Variants in CDH7 observed in about 807,000 individuals in gnomAD.
CDH7 encodes cadherin 7, also known as cadherin-7.
In CDH7, 25 loss-of-function variants were observed where a neutral mutation model predicts 71.8. That is an observed-to-expected ratio of 0.35 (90% CI 0.25 to 0.49). The LOEUF (loss-of-function observed/expected upper bound fraction) is 0.49. Ranked by LOEUF, CDH7 falls within the 20% of genes least tolerant of loss-of-function variation. The pLI is 0.99. For synonymous variants in CDH7, 381 were observed against 363.8 expected (o/e 1.05, Z -0.54); for missense variants, 862 against 974.6 (o/e 0.88, Z 1.54).
At chr18:65,878,939 CA>C (rs559870209) in intron 11 of CDH7, among the ~76,000 whole-genome samples, 6 of 151,952 alleles carry the variant, frequency 3.9e-5, no homozygotes, top group Non-Finnish European at 8.8e-5. Context: ...AAAAGTGCCA[CA>C]AAAAAACAAT....
At chr18:65,857,221 G>A (rs1019745934) in intron 7 of CDH7, among the ~76,000 whole-genome samples, 4 of 151,090 alleles carry the variant, frequency 2.6e-5, no homozygotes, top group Non-Finnish European at 5.9e-5. Context: ...GGTGGCTCAC[G>A]CCTATAATCC....
At chr18:65,844,174 G>GATTTATATAAAT (rs71167157) in intron 7 of CDH7, 109 bp downstream of exon 7, 1 of 220,090 alleles carries the variant, frequency 4.5e-6, no homozygotes, top group Non-Finnish European at 8.3e-6. Context: ...ATAAAAACCA[G>GATTTATATAAAT]ATATATATAT....
intron 5 of CDH7, among the ~76,000 whole-genome samples, chr18:65,822,986 C>A (rs1911991446): frequency 6.6e-6 from 1 of 151,682 alleles, no homozygotes; most frequent in African/African-American, 2.4e-5. Context: ...TTAGAACACT[C>A]AAGAAAATAA....
intron 4 of CDH7, among the ~76,000 whole-genome samples, chr18:65,817,964 T>C (rs1911778827): frequency 6.6e-6 from 1 of 152,212 alleles, no homozygotes; most frequent in South Asian, 2.1e-4. Context: ...AACTTCTTTG[T>C]TCAGGATCTA....
intron 1 of CDH7, among the ~76,000 whole-genome samples, chr18:65,756,831 G>A (rs554046894): frequency 6.6e-6 from 1 of 152,312 alleles, no homozygotes; most frequent in Non-Finnish European, 1.5e-5. Flanking sequence ...AAAGCATACA[G>A]CACTGTGTAC....
intron 11 of CDH7, among the ~76,000 whole-genome samples, chr18:65,870,484 T>C (rs773224658): frequency 6.6e-6 from 1 of 152,186 alleles, no homozygotes; most frequent in Non-Finnish European, 1.5e-5. Flanking sequence ...GCTTGAAACA[T>C]TTCAGATGCA....
intron 2 of CDH7, among the ~76,000 whole-genome samples, chr18:65,799,405 C>A (rs140956043): frequency 6.6e-6 from 1 of 152,002 alleles, no homozygotes; most frequent in Non-Finnish European, 1.5e-5. Context: ...TGGCCGGGTG[C>A]GGTGGCTCAA....
At chr18:65,871,391 A>T (rs1427579609) in intron 11 of CDH7, among the ~76,000 whole-genome samples, 1 of 152,138 alleles carries the variant, frequency 6.6e-6, no homozygotes, top group Non-Finnish European at 1.5e-5. Context: ...AGGCAAGGAG[A>T]AGTAAAGGAT....
At chr18:65,854,993 T>C (rs1024474422) in intron 7 of CDH7, among the ~76,000 whole-genome samples, 4 of 151,706 alleles carry the variant, frequency 2.6e-5, no homozygotes, top group Admixed American at 2.0e-4. Flanking sequence ...CTGTTCTAAG[T>C]AAGCATATTC....
chr18:65,886,197 CTG>C lies in CDH7; in HGVS notation c.*5307_*5308del, dbSNP rs1376711153. 2 of 152,036 alleles carry C rather than the reference CTG, an allele frequency of 1.3e-5. No homozygotes were observed. The highest frequency in any genetic ancestry group is 4.8e-5 in the African/African-American group (2 of 41,392). 9.4% of individuals were successfully genotyped at this position (152,036 alleles called of 1,614,324 possible). A position where few individuals can be genotyped will look rare whatever the true frequency, so the allele number is the denominator to read the frequency against. On this transcript the variant is annotated 3_prime_UTR_variant, in exon 12 of 12. Coordinates refer to ENST00000397968, the MANE Select transcript of CDH7 (RefSeq NM_004361.5). The stretch of plus-strand genomic sequence containing the variant: ...GGCTTGTGAATGATTAAGTGAAAGA[CTG>C]TGTAAACAGTAAAACACTATAAAAA...
At chr18:65,813,085 C>A (rs1207327656) in intron 3 of CDH7, among the ~76,000 whole-genome samples, 2 of 152,218 alleles carry the variant, frequency 1.3e-5, no homozygotes, top group African/African-American at 4.8e-5. Context: ...GGAATCCCAG[C>A]ACTTTGGGAG....
intron 7 of CDH7, 84 bp downstream of exon 7, chr18:65,844,149 C>G: frequency 1.1e-6 from 1 of 889,822 alleles, no homozygotes; most frequent in Non-Finnish European, 1.6e-6. Context: ...TCTGATGTTC[C>G]TTTGTTCATA....
chr18:65,886,283 A>T lies in CDH7; in HGVS notation c.*5389A>T. On this transcript the variant is annotated 3_prime_UTR_variant, in exon 12 of 12. Transcript: ENST00000397968. The stretch of plus-strand genomic sequence containing the variant: ...ATATAAAAAGGTTGATAATTGTTAT[A>T]TGGTAAACAGAGAATTTCTGTTTGG... 6.6e-6 allele frequency: 1 copy of T among 152,340 alleles called. No individual in the cohort carries two copies. Among genetic ancestry groups the T allele is most frequent in the South Asian group, 2.1e-4 (1 of 4,828 alleles). The allele number at this position is 152,340 out of a possible 1,614,324, so 9.4% of individuals were successfully genotyped here. A position where few individuals can be genotyped will look rare whatever the true frequency, so the allele number is the denominator to read the frequency against.
chr18:65,795,237 C>T (rs756355881), intron 2 of CDH7, among the ~76,000 whole-genome samples: 12 of 152,024 alleles, frequency 7.9e-5, no homozygotes, highest in African/African-American at 2.4e-4. Context: ...ATGTCCATTC[C>T]GTTGTAGGAT....
chr18:65,855,680 T>C (rs1308726670), intron 7 of CDH7, among the ~76,000 whole-genome samples: 1 of 152,080 alleles, frequency 6.6e-6, no homozygotes, highest in African/African-American at 2.4e-5. Context: ...TAAAGAAGAA[T>C]TACCAAGTGT....
At chr18:65,825,786 G>A (rs1568206351) in intron 6 of CDH7, among the ~76,000 whole-genome samples, 3 of 151,808 alleles carry the variant, frequency 2.0e-5, no homozygotes, top group Admixed American at 6.6e-5. Flanking sequence ...TATTTCCAGT[G>A]GACAGCTGCT....
Position 65,880,870 on chromosome 18 carries a change from T to C in CDH7, c.2334T>C (p.Thr778=), listed in dbSNP as rs1263086566. 6.2e-7 allele frequency: 1 copy of C among 1,612,080 alleles called. No individual in the cohort carries two copies. Among genetic ancestry groups the C allele is most frequent in the South Asian group, 1.1e-5 (1 of 90,814 alleles). ...AACGACTCGCGGACATGTATGGGAC[T>C]GGCCAAGAGAGTTTGTACTCATAGC... ...RFKRLADMYG[T]GQESLYS The change falls in exon 12 of 12, where the codon ACT becomes ACC. Residue 778 remains threonine, a synonymous_variant. Coordinates refer to ENST00000397968, the MANE Select transcript of CDH7 (RefSeq NM_004361.5).
intron 1 of CDH7, among the ~76,000 whole-genome samples, chr18:65,752,283 C>G (rs1238553926): frequency 6.6e-6 from 1 of 152,108 alleles, no homozygotes; most frequent in Non-Finnish European, 1.5e-5. Flanking sequence ...TGCCAAGTGA[C>G]AAGTATGTAT....
intron 2 of CDH7, among the ~76,000 whole-genome samples, chr18:65,770,709 T>A (rs1916515986): frequency 6.6e-6 from 1 of 152,150 alleles, no homozygotes; most frequent in Admixed American, 6.6e-5. Flanking sequence ...TGGAACAGCA[T>A]TAGAATTATA....
Sources: gnomAD v4.1 joint callset for allele counts (sites outside exome capture counted in the v4.1 genomes callset) on GRCh38, gnomAD v4.1.1 for gene constraint, MANE v1.5 for transcripts, NCBI Gene and HGNC (gene_info 2026-07-23, HGNC 2026-07-21) for gene names.